OPCML: variants seen among roughly 807,000 people sequenced by gnomAD.
OPCML encodes opioid-binding protein/cell adhesion molecule.
A neutral mutation model predicts 37.8 loss-of-function variants in OPCML; 13 were observed. The observed-to-expected ratio is 0.34, with a 90% confidence interval of 0.22 to 0.55. The LOEUF is 0.55. Ranked by LOEUF, OPCML falls within the 20% of genes least tolerant of loss-of-function variation. The probability of loss-of-function intolerance (pLI) is 0.91; values close to 1 mark genes in which losing one functional copy is unlikely to be tolerated. For missense variants in OPCML, 341 were observed against 435.6 expected (o/e 0.78, Z 1.93); for synonymous variants, 176 against 168.8 (o/e 1.04, Z -0.33).
chr11:133,240,212 CAA>C (rs35643678), intron 1 of OPCML, among the ~76,000 whole-genome samples: 7 of 66,050 alleles, frequency 1.1e-4, no homozygotes, highest in Admixed American at 2.1e-4. Context: ...ACACTTGGGG[CAA>C]AAAAAAAAAA....
chr11:132,711,514 T>A (rs1944262160), intron 2 of OPCML, among the ~76,000 whole-genome samples: 1 of 152,224 alleles, frequency 6.6e-6, no homozygotes, highest in Non-Finnish European at 1.5e-5. Flanking sequence ...AGTTATTTTA[T>A]GTCCACTTAC....
chr11:133,315,321 T>C (rs1225338521), intron 1 of OPCML, among the ~76,000 whole-genome samples: 3 of 152,218 alleles, frequency 2.0e-5, no homozygotes, highest in Non-Finnish European at 2.9e-5. Context: ...CGCAAACTCA[T>C]TTGCTTATAA....
intron 3 of OPCML, among the ~76,000 whole-genome samples, chr11:132,581,847 T>C (rs2096462665): frequency 6.6e-6 from 1 of 151,960 alleles, no homozygotes; most frequent in South Asian, 2.1e-4. Context: ...CCCAGTGTAT[T>C]ATCTCAAGGG....
chr11:132,910,254 G>C (rs566510534), intron 2 of OPCML, among the ~76,000 whole-genome samples: 125 of 138,446 alleles, frequency 9.0e-4, no homozygotes, highest in African/African-American at 3.3e-3. Flanking sequence ...CAGCAGGGCT[G>C]GGGGTAGGGG....
At chr11:132,555,376 G>A (rs756225831) in intron 3 of OPCML, among the ~76,000 whole-genome samples, 10 of 151,988 alleles carry the variant, frequency 6.6e-5, no homozygotes, top group Non-Finnish European at 1.5e-4. Flanking sequence ...GAGAGAATGA[G>A]AACCAAGTGA....
chr11:133,530,334 C>A (rs1480824680), intron 1 of OPCML, among the ~76,000 whole-genome samples: 5 of 152,248 alleles, frequency 3.3e-5, no homozygotes, highest in African/African-American at 1.2e-4. Context: ...TGGGGCTCAC[C>A]CCCCGCCTTG....
intron 1 of OPCML, among the ~76,000 whole-genome samples, chr11:133,131,540 C>T (rs1437483601): frequency 6.6e-6 from 1 of 152,148 alleles, no homozygotes; most frequent in African/African-American, 2.4e-5. Flanking sequence ...TGTGAAGCAA[C>T]AGGAACTCTC....
intron 3 of OPCML, among the ~76,000 whole-genome samples, chr11:132,578,554 G>A (rs368851712): frequency 7.2e-5 from 11 of 152,150 alleles, no homozygotes; most frequent in African/African-American, 2.2e-4. Flanking sequence ...CAGTTCCAAA[G>A]CCTTGGTAAT....
At chr11:132,427,383 T>A (rs2095981201) in intron 7 of OPCML, among the ~76,000 whole-genome samples, 6 of 152,236 alleles carry the variant, frequency 3.9e-5, no homozygotes. Context: ...GTTACACTTG[T>A]TGGTGAAACA....
chr11:133,412,139 T>G (rs1000838626), intron 1 of OPCML, among the ~76,000 whole-genome samples: 1 of 152,194 alleles, frequency 6.6e-6, no homozygotes, highest in Non-Finnish European at 1.5e-5. Context: ...GTGTGATGAA[T>G]GCAGTCTCTG....
At chr11:133,085,471 T>G (rs1200866109) in intron 1 of OPCML, among the ~76,000 whole-genome samples, 1 of 152,238 alleles carries the variant, frequency 6.6e-6, no homozygotes, top group Non-Finnish European at 1.5e-5. Flanking sequence ...GAGGATCCCT[T>G]TGGTACCCAG....
intron 2 of OPCML, among the ~76,000 whole-genome samples, chr11:132,793,647 T>G (rs1168451091): frequency 6.6e-6 from 1 of 152,150 alleles, no homozygotes; most frequent in East Asian, 1.9e-4. Context: ...TAGACATAGC[T>G]TGAAAAAGGG....
At chr11:133,522,811 T>C (rs1948419999) in intron 1 of OPCML, among the ~76,000 whole-genome samples, 1 of 152,210 alleles carries the variant, frequency 6.6e-6, no homozygotes, top group Non-Finnish European at 1.5e-5. Context: ...AGCACTCAAC[T>C]AGACAATTTC....
At chr11:133,196,473 G>T (rs1938540464) in intron 1 of OPCML, among the ~76,000 whole-genome samples, 1 of 152,138 alleles carries the variant, frequency 6.6e-6, no homozygotes, top group African/African-American at 2.4e-5. Context: ...TAAGCCCCTT[G>T]GTGAAGGCTA....
intron 2 of OPCML, among the ~76,000 whole-genome samples, chr11:132,697,974 TTCTA>T (rs1475432328): frequency 2.2e-5 from 3 of 139,198 alleles, no homozygotes; most frequent in African/African-American, 5.7e-5. Flanking sequence ...TTATTTTATT[TTCTA>T]TTTATTTATT....
At chr11:132,893,203 A>G (rs1943717333) in intron 2 of OPCML, among the ~76,000 whole-genome samples, 1 of 151,568 alleles carries the variant, frequency 6.6e-6, no homozygotes, top group Non-Finnish European at 1.5e-5. Flanking sequence ...CTATGGTTGC[A>G]GTGAGCCAAG....
chr11:133,231,752 C>T (rs1339330352), intron 1 of OPCML, among the ~76,000 whole-genome samples: 1 of 152,136 alleles, frequency 6.6e-6, no homozygotes, highest in Non-Finnish European at 1.5e-5. Context: ...ATAACTATAC[C>T]TACATTACAC....
intron 2 of OPCML, among the ~76,000 whole-genome samples, chr11:132,911,043 G>A (rs1233986544): frequency 1.3e-5 from 2 of 152,238 alleles, no homozygotes; most frequent in Non-Finnish European, 2.9e-5. Flanking sequence ...AACCTTCCAA[G>A]ATCATACATC....
chr11:133,006,346 C>T (rs1947112074), intron 1 of OPCML: 1 of 697,482 alleles, frequency 1.4e-6, no homozygotes, highest in Non-Finnish European at 1.8e-6. Context: ...TATCTTACTA[C>T]CATTGAAATG....
Sources: gnomAD v4.1 joint callset for allele counts (sites outside exome capture counted in the v4.1 genomes callset) on GRCh38, gnomAD v4.1.1 for gene constraint, MANE v1.5 for transcripts, NCBI Gene and HGNC (gene_info 2026-07-23, HGNC 2026-07-21) for gene names.